The following C8orf90 variants were observed in gnomAD, a reference collection of about 807,000 sequenced individuals.
C8orf90 encodes the protein chromosome 8 open reading frame 90.
At chr8:141,517,156 C>A in the C8orf90 span, among the ~76,000 whole-genome samples, 1 of 144,668 alleles carries the variant, frequency 6.9e-6, no homozygotes, top group Non-Finnish European at 1.6e-5. Flanking sequence ...GGGTCTGTAT[C>A]CTCACCAGTA....
At chr8:141,514,808 G>A in the C8orf90 span, 1 of 694,914 alleles carries the variant, frequency 1.4e-6, no homozygotes, top group East Asian at 2.7e-5. Flanking sequence ...AAGGGGGACG[G>A]GGCACCTGGG....
At chr8:141,515,102 C>G in the C8orf90 span, among the ~76,000 whole-genome samples, 4 of 151,642 alleles carry the variant, frequency 2.6e-5, no homozygotes, top group South Asian at 2.1e-4. Context: ...CCGGATCATT[C>G]TCCTGCCCTT....
chr8:141,514,903 C>T, the C8orf90 span: 1 of 615,176 alleles, frequency 1.6e-6, no homozygotes, highest in Non-Finnish European at 2.9e-6. Context: ...AGGAGAGTGG[C>T]AGTGGGGCTG....
At chr8:141,514,972 A>C in the C8orf90 span, among the ~76,000 whole-genome samples, 5 of 151,664 alleles carry the variant, frequency 3.3e-5, no homozygotes, top group Admixed American at 3.3e-4. Context: ...TCTCCTCCCT[A>C]CGCTCCCCAA....
the C8orf90 span, among the ~76,000 whole-genome samples, chr8:141,515,193 C>CCCAT: frequency 6.6e-6 from 1 of 150,616 alleles, no homozygotes; most frequent in East Asian, 1.9e-4. Context: ...CATCTATCCA[C>CCCAT]CCATCCACCC....
the C8orf90 span, among the ~76,000 whole-genome samples, chr8:141,516,104 C>A: frequency 2.6e-5 from 4 of 152,208 alleles, no homozygotes; most frequent in Non-Finnish European, 4.4e-5. Flanking sequence ...CAGCCAAAGG[C>A]AGCATTCAGC....
the C8orf90 span, among the ~76,000 whole-genome samples, chr8:141,517,899 G>A: frequency 1.3e-5 from 2 of 152,294 alleles, no homozygotes; most frequent in African/African-American, 4.8e-5. Context: ...ACGTGGTCAC[G>A]CTGGCCAAAG....
At chr8:141,514,712 C>T in the C8orf90 span, 2 of 701,738 alleles carry the variant, frequency 2.9e-6, no homozygotes, top group Non-Finnish European at 2.6e-6. Context: ...CTCCTCTTGT[C>T]CTGGGACCCC....
At chr8:141,517,080 C>T in the C8orf90 span, among the ~76,000 whole-genome samples, 5 of 152,290 alleles carry the variant, frequency 3.3e-5, no homozygotes, top group South Asian at 1.0e-3. Context: ...GAGCCGGGGG[C>T]GTGGCATAGT....
chr8:141,515,461 C>T, the C8orf90 span, among the ~76,000 whole-genome samples: 2 of 150,562 alleles, frequency 1.3e-5, no homozygotes, highest in African/African-American at 4.9e-5. Context: ...GCTCTCCTGT[C>T]ATCCTATTGG....
chr8:141,514,834 G>A, the C8orf90 span: 1 of 687,600 alleles, frequency 1.5e-6, no homozygotes, highest in Non-Finnish European at 2.6e-6. Context: ...GAGAATGTGG[G>A]AGCAGGAAGC....
chr8:141,518,226 G>A, the C8orf90 span: 1 of 590,856 alleles, frequency 1.7e-6, no homozygotes, highest in Non-Finnish European at 3.0e-6. Context: ...GTCCCGCGGC[G>A]CCCCCGGAGC....
the C8orf90 span, chr8:141,518,463 G>A: frequency 1.5e-6 from 1 of 655,166 alleles, no homozygotes; most frequent in Non-Finnish European, 2.7e-6. Flanking sequence ...ACTTCCTGCT[G>A]CGCGGCCCCG....
the C8orf90 span, among the ~76,000 whole-genome samples, chr8:141,516,086 C>T: frequency 6.6e-6 from 1 of 152,156 alleles, no homozygotes; most frequent in Non-Finnish European, 1.5e-5. Flanking sequence ...ATGCCCCATC[C>T]CTCCTCCCAG....
At chr8:141,515,088 C>T in the C8orf90 span, among the ~76,000 whole-genome samples, 1 of 150,836 alleles carries the variant, frequency 6.6e-6, no homozygotes, top group Admixed American at 6.6e-5. Context: ...CTTTAGGGCC[C>T]CTTCCGGATC....
At chr8:141,518,725 C>T in the C8orf90 span, 5 of 464,544 alleles carry the variant, frequency 1.1e-5, no homozygotes, top group Non-Finnish European at 1.1e-5. Flanking sequence ...AAGAGTTTCC[C>T]CAGCTCTCCC....
At chr8:141,518,430 C>A in the C8orf90 span, 1 of 667,838 alleles carries the variant, frequency 1.5e-6, no homozygotes, top group Non-Finnish European at 2.7e-6. Flanking sequence ...TCTTCTACGA[C>A]CCCCGCGACC....
At chr8:141,514,886 G>T in the C8orf90 span, 1 of 629,730 alleles carries the variant, frequency 1.6e-6, no homozygotes, top group Non-Finnish European at 2.9e-6. Context: ...CTCTGCCAAG[G>T]TCATGAAGGA....
the C8orf90 span, chr8:141,518,441 G>A: frequency 1.5e-5 from 10 of 664,990 alleles, no homozygotes; most frequent in Admixed American, 6.6e-5. Flanking sequence ...CCCCGCGACC[G>A]CGCAGACTTC....
Sources: allele counts gnomAD v4.1 joint callset (sites outside exome capture counted in the v4.1 genomes callset), GRCh38; gene constraint gnomAD v4.1.1; transcripts MANE v1.5; gene names NCBI Gene and HGNC (gene_info 2026-07-23, HGNC 2026-07-21).